The following DESI2 variants were observed in gnomAD, a reference collection of about 807,000 sequenced individuals.
DESI2 encodes desumoylating isopeptidase 2, also known as deubiquitinase DESI2.
DESI2 carries 10 observed loss-of-function variants against 24.1 expected under a neutral mutation model. The observed-to-expected ratio is 0.41, with a 90% CI of 0.26 to 0.70. The LOEUF is 0.70. Ranked by LOEUF, DESI2 falls within the 30% of genes least tolerant of loss-of-function variation. The pLI, the probability that DESI2 is intolerant of heterozygous loss-of-function variation, is 0.29. For missense variants in DESI2, 122 were observed against 234.9 expected, an observed-to-expected ratio of 0.52 and a Z score of 3.14; for synonymous variants, 71 against 87.7, an observed-to-expected ratio of 0.81 and a Z score of 1.06.
chr1:244,678,673 A>G (rs1676497420), intron 1 of DESI2, among the ~76,000 whole-genome samples: 1 of 152,242 alleles, frequency 6.6e-6, no homozygotes, highest in Non-Finnish European at 1.5e-5. Context: ...TAAAATGGAA[A>G]TGTTCCATTT....
At position 244,701,512 on chromosome 1, in the gene DESI2, G is replaced by A. The variant is rs56023315; in HGVS notation, c.352-4044G>A. Among the ~76,000 whole-genome samples the A allele has an allele frequency of 5.5e-3, 840 of 152,204 alleles. 7 individuals carry two copies. Among genetic ancestry groups the A allele is most frequent in the African/African-American group, 0.019 (809 of 41,528 alleles). ...AAATTCTATAGGCAGGTAACTGGCC[G>A]GAGAAAAAGGATGATTCAGAGGATA... On this transcript the variant is annotated intron_variant, in intron 4 of 4. Transcript: ENST00000302550.
Position 244,689,385 on chromosome 1 carries a change from A to G in DESI2, c.209+43A>G, listed in dbSNP as rs766033176. 1.6e-5 allele frequency: 15 copies of G among 934,162 alleles called. No individual in the cohort carries two copies. The South Asian group carries it at 2.1e-4, about 13-fold the overall frequency. The allele number at this position is 934,162 out of a possible 1,614,324, so 57.9% of individuals were successfully genotyped here. ...TTTTTATTACACTGTCTTAGGTGCC[A>G]TAGCTTGTTTTCAGGTATACAGAAT... On this transcript the variant is annotated intron_variant, in intron 3 of 4. Coordinates refer to ENST00000302550, the MANE Select transcript of DESI2 (RefSeq NM_016076.5). This position sits in a 1 kb window ranked among gnomAD's most constrained non-coding sequence, Gnocchi z 4.0.
chr1:244,665,247 C>T, intron 1 of DESI2, among the ~76,000 whole-genome samples: 1 of 151,814 alleles, frequency 6.6e-6, no homozygotes, highest in South Asian at 2.1e-4. Flanking sequence ...GTTGATGAAA[C>T]TGAGGCCTAG....
In DESI2 at chr1:244,653,256, C is replaced by A. The variant is rs1675522636; in HGVS notation, c.-58C>A. ...AAGCGCCCGCGGGGGTGAGAGCGGC[C>A]TCCGGCCCCGCGGAGACGGAGCGGC... is the stretch of plus-strand genomic sequence containing the variant. On this transcript the variant is annotated 5_prime_UTR_variant, in exon 1 of 5. Coordinates refer to ENST00000302550, the MANE Select transcript of DESI2 (RefSeq NM_016076.5). 2.1e-6 allele frequency: 3 copies of A among 1,452,710 alleles called. No individual in the cohort carries two copies. Among genetic ancestry groups the A allele is most frequent in the Non-Finnish European group, 2.7e-6 (3 of 1,103,476 alleles). The allele number at this position is 1,452,710 out of a possible 1,614,324, so 90.0% of individuals were successfully genotyped here.
chr1:244,685,847 C>A (rs1235089677), intron 1 of DESI2, among the ~76,000 whole-genome samples: 1 of 152,226 alleles, frequency 6.6e-6, no homozygotes, highest in Non-Finnish European at 1.5e-5. Flanking sequence ...CCCTCCACTT[C>A]ACCTTTTTAA....
At chr1:244,657,905 G>A (rs922965613) in intron 1 of DESI2, among the ~76,000 whole-genome samples, 10 of 152,192 alleles carry the variant, frequency 6.6e-5, no homozygotes, top group Non-Finnish European at 8.8e-5. Flanking sequence ...GAATTGGCTC[G>A]TGTGCAACTG....
chr1:244,684,962 A>T (rs1289725838), intron 1 of DESI2, among the ~76,000 whole-genome samples: 1 of 152,158 alleles, frequency 6.6e-6, no homozygotes, highest in Non-Finnish European at 1.5e-5. Context: ...TGATTCACAT[A>T]AAAAAATGTA....
chr1:244,684,514 A>T (rs1174613107), intron 1 of DESI2, among the ~76,000 whole-genome samples: 1 of 151,406 alleles, frequency 6.6e-6, no homozygotes, highest in African/African-American at 2.4e-5. Context: ...AAATGTGATC[A>T]TGCTACACAT....
chr1:244,679,698 C>A (rs1185232172), intron 1 of DESI2, among the ~76,000 whole-genome samples: 1 of 151,918 alleles, frequency 6.6e-6, no homozygotes, highest in East Asian at 1.9e-4. Context: ...TGCCAAAACC[C>A]CATCTCTACT....
intron 4 of DESI2, among the ~76,000 whole-genome samples, chr1:244,700,362 C>G (rs1677399467): frequency 6.6e-6 from 1 of 152,066 alleles, no homozygotes; most frequent in East Asian, 1.9e-4. Flanking sequence ...AAAGTATTTT[C>G]GTTTCGGATC....
intron 1 of DESI2, chr1:244,654,104 C>T: frequency 2.2e-6 from 1 of 452,638 alleles, no homozygotes; most frequent in Non-Finnish European, 4.6e-6. Context: ...TGGAGTATGG[C>T]AAGCACGCAG....
intron 4 of DESI2, among the ~76,000 whole-genome samples, chr1:244,701,229 C>A (rs1249996640): frequency 1.1e-5 from 1 of 87,614 alleles, no homozygotes; most frequent in Non-Finnish European, 2.3e-5. Flanking sequence ...CCCCCCCCCC[C>A]CCCCCGCCCT....
At chr1:244,691,769 G>C (rs887259407) in intron 3 of DESI2, 110 bp from the exon 4 acceptor site, 1 of 828,100 alleles carries the variant, frequency 1.2e-6, no homozygotes, top group East Asian at 3.0e-5. Context: ...TTGTTATGTC[G>C]ATCATAATAT....
rs41307700 is a variant in DESI2 at position 244,686,540 on chromosome 1, C to T, written c.43-57C>T. 10,245 of 1,087,516 alleles carry T rather than the reference C, an allele frequency of 9.4e-3. 85 individuals carry two copies. Among genetic ancestry groups the T allele is most frequent in the Non-Finnish European group, 0.011 (7,964 of 707,242 alleles). 67.4% of individuals were successfully genotyped at this position (1,087,516 alleles called of 1,614,324 possible). A position where few individuals can be genotyped will look rare whatever the true frequency, so the allele number is the denominator to read the frequency against. On this transcript the variant is annotated intron_variant, in intron 1 of 4. Transcript: ENST00000302550. ...CTGGGGAGCAGTCACTTCTGTAGCGCGGAGTTGGGTTGTAAATGAACAGGT... is the reference window on the plus strand; with the variant it reads ...CTGGGGAGCAGTCACTTCTGTAGCGTGGAGTTGGGTTGTAAATGAACAGGT...
At chr1:244,702,584 TAATA>T (rs1043305468) in intron 4 of DESI2, among the ~76,000 whole-genome samples, 8 of 152,328 alleles carry the variant, frequency 5.3e-5, no homozygotes, top group East Asian at 1.9e-4. Flanking sequence ...AAGAGCCAGA[TAATA>T]AATATTTTAG....
At chr1:244,694,476 G>C in intron 4 of DESI2, 1 of 790,306 alleles carries the variant, frequency 1.3e-6, no homozygotes, top group Non-Finnish European at 2.3e-6. Flanking sequence ...GGGTTTAGGT[G>C]GTGTTCCTTC....
chr1:244,664,426 G>GA (rs1393558888), intron 1 of DESI2, among the ~76,000 whole-genome samples: 2 of 152,160 alleles, frequency 1.3e-5, no homozygotes, highest in South Asian at 2.1e-4. Context: ...TGGTGTAATA[G>GA]AAAAAACAGA....
rs1031853815 is a variant in DESI2, at chr1:244,706,873, C to T, written c.*1084C>T. The T allele has an allele frequency of 3.9e-5, 6 of 152,552 alleles. No individual in the cohort carries two copies. The highest frequency in any genetic ancestry group is 7.2e-5 in the African/African-American group (3 of 41,402). The allele number at this position is 152,552 out of a possible 1,614,324, so 9.4% of individuals were successfully genotyped here. A position where few individuals can be genotyped will look rare whatever the true frequency, so the allele number is the denominator to read the frequency against. The stretch of plus-strand genomic sequence containing the variant: ...AGAATGCCTAGTCTCATTGACCAAT[C>T]GTTAAAAAATCATATTTGTGTGTCT... On this transcript the variant is annotated 3_prime_UTR_variant, in exon 5 of 5. Coordinates refer to ENST00000302550, the MANE Select transcript of DESI2 (RefSeq NM_016076.5).
chr1:244,685,090 TTC>T (rs1295046671), intron 1 of DESI2, among the ~76,000 whole-genome samples: 2 of 152,174 alleles, frequency 1.3e-5, no homozygotes, highest in Non-Finnish European at 2.9e-5. Flanking sequence ...TCCACACAGA[TTC>T]TCTCTTTTTG....
Sources: allele counts gnomAD v4.1 joint callset (sites outside exome capture counted in the v4.1 genomes callset), GRCh38; gene constraint gnomAD v4.1.1; non-coding constraint Gnocchi (gnomAD v3.1); transcripts MANE v1.5; gene names NCBI Gene and HGNC (gene_info 2026-07-23, HGNC 2026-07-21).